The following IQCK variants were observed in gnomAD, a reference collection of about 807,000 sequenced individuals.
The protein encoded by IQCK is IQ domain-containing protein K.
In IQCK, 29 loss-of-function variants were observed where a neutral mutation model predicts 28.1. That is an observed-to-expected ratio of 1.03 (90% confidence interval 0.77 to 1.41). The LOEUF is 1.41. IQCK is among the 40% of genes most tolerant of loss of function. The probability of loss-of-function intolerance (pLI) is 0.00; values close to 1 mark genes in which losing one functional copy is unlikely to be tolerated. For missense variants in IQCK, 359 were observed against 314.7 expected, an observed-to-expected ratio of 1.14 and a Z score of -1.07; for synonymous variants, 113 against 115.1, an observed-to-expected ratio of 0.98 and a Z score of 0.12.
At chr16:19,801,304 T>C (rs868766146) in intron 7 of IQCK, among the ~76,000 whole-genome samples, 37 of 113,268 alleles carry the variant, frequency 3.3e-4, no homozygotes, top group East Asian at 1.0e-3. Flanking sequence ...CTCTCTCTCT[T>C]TTTTTTTTTT....
chr16:19,733,260 T>G (rs1010755884), intron 2 of IQCK, among the ~76,000 whole-genome samples: 1 of 151,930 alleles, frequency 6.6e-6, no homozygotes, highest in Admixed American at 6.6e-5. Context: ...GCCTCAGCCT[T>G]CCAAGTAGCT....
intron 9 of IQCK, among the ~76,000 whole-genome samples, chr16:19,849,840 C>G (rs947391422): frequency 1.3e-5 from 2 of 151,972 alleles, no homozygotes; most frequent in Non-Finnish European, 2.9e-5. Context: ...AATGAAGGAG[C>G]CCAGTTTATA....
chr16:19,747,822 G>T (rs2054932872), intron 4 of IQCK, among the ~76,000 whole-genome samples: 1 of 152,256 alleles, frequency 6.6e-6, no homozygotes, highest in Admixed American at 6.5e-5. Context: ...ACATGAGTTT[G>T]TTCCCTTTTA....
intron 4 of IQCK, among the ~76,000 whole-genome samples, chr16:19,745,171 A>G (rs1446965731): frequency 6.6e-6 from 1 of 152,180 alleles, no homozygotes; most frequent in Non-Finnish European, 1.5e-5. Flanking sequence ...TCAAGTCCTC[A>G]TATTTGACCC....
intron 2 of IQCK, among the ~76,000 whole-genome samples, chr16:19,732,651 T>A (rs932876946): frequency 1.3e-5 from 2 of 152,136 alleles, no homozygotes; most frequent in Non-Finnish European, 2.9e-5. Context: ...TTAGTAGAGA[T>A]GAGGTCTTGC....
chr16:19,761,122 A>T, intron 4 of IQCK: 1 of 275,308 alleles, frequency 3.6e-6, no homozygotes, highest in Admixed American at 4.7e-5. Flanking sequence ...TCATCCTGTG[A>T]CTTGGAATGC....
At chr16:19,762,451 C>T (rs2055161445) in intron 4 of IQCK, among the ~76,000 whole-genome samples, 1 of 152,090 alleles carries the variant, frequency 6.6e-6, no homozygotes, top group Non-Finnish European at 1.5e-5. Context: ...ATGTAGTAAG[C>T]CTCGATATGA....
chr16:19,718,967 G>A (rs1977373596), intron 1 of IQCK, among the ~76,000 whole-genome samples: 1 of 152,208 alleles, frequency 6.6e-6, no homozygotes, highest in African/African-American at 2.4e-5. Flanking sequence ...TAACCATGGT[G>A]TGGACAAACG....
At chr16:19,784,327 G>A (rs2055533923) in intron 6 of IQCK, among the ~76,000 whole-genome samples, 1 of 151,838 alleles carries the variant, frequency 6.6e-6, no homozygotes, top group Non-Finnish European at 1.5e-5. Flanking sequence ...CTTCTCTCTG[G>A]GCCACTGTTT....
chr16:19,726,246 T>G (rs1025879691), intron 1 of IQCK, among the ~76,000 whole-genome samples: 1 of 152,184 alleles, frequency 6.6e-6, no homozygotes, highest in Non-Finnish European at 1.5e-5. Flanking sequence ...TGGAAAAATA[T>G]GATAGCAAGT....
chr16:19,812,663 C>T (rs976947014), intron 7 of IQCK, among the ~76,000 whole-genome samples: 1 of 151,780 alleles, frequency 6.6e-6, no homozygotes, highest in Non-Finnish European at 1.5e-5. Flanking sequence ...GTTATGAGCT[C>T]ATAATAAAAA....
At chr16:19,769,380 GT>G (rs1432622587) in intron 6 of IQCK, among the ~76,000 whole-genome samples, 4 of 152,198 alleles carry the variant, frequency 2.6e-5, no homozygotes, top group Admixed American at 6.5e-5. Flanking sequence ...GGTAAATGTG[GT>G]TGTGAAGATA....
intron 1 of IQCK, among the ~76,000 whole-genome samples, chr16:19,724,289 T>C (rs1977586573): frequency 6.6e-6 from 1 of 152,142 alleles, no homozygotes. Context: ...TAGGCTGTGG[T>C]TGAAGCCCTC....
chr16:19,838,982 G>T lies in IQCK; in HGVS notation c.802+11845G>T, dbSNP rs899240011. Among the ~76,000 whole-genome samples the T allele has an allele frequency of 2.5e-5, 3 of 122,436 alleles. No individual in the cohort carries two copies. In the East Asian group the frequency reaches 7.9e-4, roughly 32 times the overall value. 80.3% of individuals were successfully genotyped at this position (122,436 alleles called of 152,430 possible). On this transcript the variant is annotated intron_variant, in intron 9 of 9. Coordinates refer to the IQCK transcript ENST00000320394. The stretch of plus-strand genomic sequence containing the variant: ...TGCAGTGAGGCAAGATCACGCCACT[G>T]CACTCCAGCCTGGGCCACAGAGTGA...
intron 6 of IQCK, among the ~76,000 whole-genome samples, chr16:19,771,908 T>C (rs960581093): frequency 4.6e-5 from 7 of 152,054 alleles, no homozygotes; most frequent in Non-Finnish European, 8.8e-5. Flanking sequence ...ACAGCTGCTG[T>C]GGTGAAACCG....
chr16:19,758,974 A>G (rs2055092841), intron 4 of IQCK, among the ~76,000 whole-genome samples: 1 of 152,228 alleles, frequency 6.6e-6, no homozygotes, highest in Non-Finnish European at 1.5e-5. Context: ...CAAACTAAAG[A>G]GGAAGAAAGA....
intron 7 of IQCK, among the ~76,000 whole-genome samples, chr16:19,807,534 T>A (rs1457982593): frequency 6.6e-6 from 1 of 152,168 alleles, no homozygotes; most frequent in Admixed American, 6.5e-5. Flanking sequence ...TCAACTGGCA[T>A]CTGGTTGGCA....
chr16:19,779,661 G>A (rs189460808), intron 6 of IQCK, among the ~76,000 whole-genome samples: 80 of 151,026 alleles, frequency 5.3e-4, no homozygotes, highest in African/African-American at 1.5e-3. Context: ...ATTTATCCTC[G>A]TTATTTTTTT....
chr16:19,848,925 GTCACC>G (rs2056445283), intron 9 of IQCK, among the ~76,000 whole-genome samples: 1 of 152,044 alleles, frequency 6.6e-6, no homozygotes, highest in South Asian at 2.1e-4. Flanking sequence ...TCTGTGAATG[GTCACC>G]CCTACTAAGG....
Sources: allele counts gnomAD v4.1 joint callset (sites outside exome capture counted in the v4.1 genomes callset), GRCh38; gene constraint gnomAD v4.1.1; transcripts MANE v1.5; gene names NCBI Gene and HGNC (gene_info 2026-07-23, HGNC 2026-07-21).